UBE2E1: variants seen among roughly 807,000 people sequenced by gnomAD.
UBE2E1 encodes ubiquitin conjugating enzyme E2 E1.
In UBE2E1, 6 loss-of-function variants were observed where a neutral mutation model predicts 21.4. The observed-to-expected ratio is 0.28, with a 90% CI of 0.15 to 0.55. The LOEUF is 0.55. Among genes scored for constraint, UBE2E1 ranks in the 20% least tolerant of loss-of-function variants. UBE2E1 has a pLI of 0.93. For synonymous variants in UBE2E1, 87 were observed against 82.7 expected (o/e 1.05, Z -0.28); for missense variants, 142 against 236.5 (o/e 0.60, Z 2.62).
intron 3 of UBE2E1, among the ~76,000 whole-genome samples, chr3:23,847,008 A>T (rs1345704808): frequency 6.6e-6 from 1 of 152,206 alleles, no homozygotes; most frequent in African/African-American, 2.4e-5. Flanking sequence ...AAGATAAGCT[A>T]ATTCTTGAAA....
intron 3 of UBE2E1, among the ~76,000 whole-genome samples, chr3:23,826,189 T>A (rs34491898): frequency 1.3e-5 from 2 of 152,046 alleles, no homozygotes; most frequent in Non-Finnish European, 2.9e-5. Flanking sequence ...TATCTAGATA[T>A]CTGTGTATCT....
intron 3 of UBE2E1, among the ~76,000 whole-genome samples, chr3:23,814,484 G>A (rs1699468707): frequency 6.6e-6 from 1 of 151,622 alleles, no homozygotes; most frequent in African/African-American, 2.4e-5. Context: ...TCTGTGATTT[G>A]TGTGTGTGTG....
intron 3 of UBE2E1, among the ~76,000 whole-genome samples, chr3:23,879,870 C>T (rs1255236997): frequency 6.6e-6 from 1 of 152,226 alleles, no homozygotes; most frequent in Non-Finnish European, 1.5e-5. Context: ...AATATCTGAA[C>T]TATGGTTTAT....
intron 3 of UBE2E1, among the ~76,000 whole-genome samples, chr3:23,875,010 G>A (rs1700886446): frequency 6.6e-6 from 1 of 151,924 alleles, no homozygotes; most frequent in African/African-American, 2.4e-5. Flanking sequence ...ACCCCCTAAT[G>A]TCCACATTTT....
chr3:23,859,489 C>T (rs911506297), intron 3 of UBE2E1, among the ~76,000 whole-genome samples: 1 of 152,218 alleles, frequency 6.6e-6, no homozygotes, highest in Non-Finnish European at 1.5e-5. Context: ...TTACCAGTGT[C>T]TGCTTACCAG....
Position 23,876,943 on chromosome 3 carries a change from C to T in UBE2E1, c.204-10624C>T, listed in dbSNP as rs1000713062. Among the ~76,000 whole-genome samples the T allele has an allele frequency of 6.6e-6, 1 of 152,202 alleles. No individual in the cohort carries two copies. Among genetic ancestry groups the T allele is most frequent in the Non-Finnish European group, 1.5e-5 (1 of 68,038 alleles). On this transcript the variant is annotated intron_variant, in intron 3 of 5. Coordinates refer to ENST00000306627, the MANE Select transcript of UBE2E1 (RefSeq NM_003341.5). This position sits in a 1 kb window ranked among gnomAD's most constrained non-coding sequence, Gnocchi z 4.3. ...CCTGTAATCCTAGCAACTCAGGAGG[C>T]TGAGATGGAAGGATCACTTGAGCCA...
intron 3 of UBE2E1, among the ~76,000 whole-genome samples, chr3:23,886,320 G>A (rs1701183071): frequency 6.6e-6 from 1 of 152,218 alleles, no homozygotes; most frequent in South Asian, 2.1e-4. Flanking sequence ...ACCCATGGGT[G>A]TGTTGCTCTA....
At chr3:23,851,792 A>C (rs1239849620) in intron 3 of UBE2E1, among the ~76,000 whole-genome samples, 1 of 152,104 alleles carries the variant, frequency 6.6e-6, no homozygotes, top group Non-Finnish European at 1.5e-5. Flanking sequence ...CCCTGTCTCT[A>C]AAAAATAAAA....
At chr3:23,841,758 C>G (rs1317618513) in intron 3 of UBE2E1, among the ~76,000 whole-genome samples, 1 of 152,142 alleles carries the variant, frequency 6.6e-6, no homozygotes, top group Non-Finnish European at 1.5e-5. Flanking sequence ...CAGTATTGTA[C>G]TGTATTATTC....
Position 23,842,237 on chromosome 3 carries a change from GTGTGTGTGTGTGGTGT to G in UBE2E1, c.203+30731_203+30746del, listed in dbSNP as rs1559482430. Among the ~76,000 whole-genome samples, 27 of 74,428 alleles carry G rather than the reference GTGTGTGTGTGTGGTGT, an allele frequency of 3.6e-4. No homozygotes were observed. Among genetic ancestry groups the G allele is most frequent in the African/African-American group, 1.5e-3 (27 of 18,332 alleles). 48.8% of individuals were successfully genotyped at this position (74,428 alleles called of 152,430 possible). On this transcript the variant is annotated intron_variant, in intron 3 of 5. Coordinates refer to ENST00000306627, the MANE Select transcript of UBE2E1 (RefSeq NM_003341.5). This position sits in a 1 kb window ranked among gnomAD's most constrained non-coding sequence, Gnocchi z 4.6. ...TGTGTGTGTGTGTGTGTGTGTGTGT[GTGTGTGTGTGTGGTGT>G]TGTTGTTGTTGGCGACAGGGTCTCA...
At chr3:23,857,557 C>G (rs188308329) in intron 3 of UBE2E1, among the ~76,000 whole-genome samples, 1 of 152,116 alleles carries the variant, frequency 6.6e-6, no homozygotes, top group Non-Finnish European at 1.5e-5. Context: ...GTATGCCTGT[C>G]GAGTCACGTT....
At chr3:23,843,708 T>G (rs1700138889) in intron 3 of UBE2E1, among the ~76,000 whole-genome samples, 1 of 136,232 alleles carries the variant, frequency 7.3e-6, no homozygotes, top group African/African-American at 2.8e-5. Flanking sequence ...CAGTGTCATC[T>G]TTAACAACTG....
At chr3:23,879,033 G>C (rs1700978678) in intron 3 of UBE2E1, 1 of 500,750 alleles carries the variant, frequency 2.0e-6, no homozygotes, top group Admixed American at 2.1e-5. Flanking sequence ...CCAAGGACTT[G>C]ATGAGCTCAG....
Position 23,807,429 on chromosome 3 carries a change from GCT to G in UBE2E1, c.152+11_152+12del. 6.3e-7 allele frequency: 1 copy of G among 1,594,378 alleles called. No homozygotes were observed. The highest frequency in any genetic ancestry group is 8.5e-7 in the Non-Finnish European group (1 of 1,174,332). ...CTCCACCAGCGCCAAGAGGTACTGT[GCT>G]CTTTTTTTTTTCCACAGGCTTCCTA... is the stretch of plus-strand genomic sequence containing the variant. On this transcript the variant is annotated intron_variant, in intron 2 of 5. Coordinates refer to ENST00000306627, the MANE Select transcript of UBE2E1 (RefSeq NM_003341.5).
At chr3:23,830,667 GA>G (rs1200420518) in intron 3 of UBE2E1, among the ~76,000 whole-genome samples, 8 of 152,166 alleles carry the variant, frequency 5.3e-5, no homozygotes, top group African/African-American at 1.9e-4. Context: ...TACTCTTCTT[GA>G]TTCACCTGGA....
chr3:23,843,183 T>C (rs542265379), intron 3 of UBE2E1, among the ~76,000 whole-genome samples: 55 of 151,934 alleles, frequency 3.6e-4, no homozygotes, highest in African/African-American at 1.3e-3. Flanking sequence ...TTGTTGAGAG[T>C]AGTGACAGGG....
At chr3:23,846,391 A>T (rs1448124142) in intron 3 of UBE2E1, among the ~76,000 whole-genome samples, 1 of 152,068 alleles carries the variant, frequency 6.6e-6, no homozygotes, top group Non-Finnish European at 1.5e-5. Context: ...TGGCAAGGCC[A>T]CAGTCTCTTA....
At chr3:23,841,407 A>G (rs543197172) in intron 3 of UBE2E1, among the ~76,000 whole-genome samples, 118 of 151,338 alleles carry the variant, frequency 7.8e-4, no homozygotes, top group African/African-American at 2.8e-3. Flanking sequence ...CTGTCTCTCT[A>G]CTCTTCTTAC....
intron 3 of UBE2E1, among the ~76,000 whole-genome samples, chr3:23,865,436 C>G (rs1421791648): frequency 1.3e-5 from 2 of 152,198 alleles, no homozygotes; most frequent in African/African-American, 2.4e-5. Context: ...TCACTGCAGC[C>G]TCAACTTCCT....
Sources: gnomAD v4.1 joint callset for allele counts (sites outside exome capture counted in the v4.1 genomes callset) on GRCh38, gnomAD v4.1.1 for gene constraint, Gnocchi (gnomAD v3.1) non-coding constraint, MANE v1.5 for transcripts, NCBI Gene and HGNC (gene_info 2026-07-23, HGNC 2026-07-21) for gene names.